Variants in DPP10 observed in about 807,000 individuals in gnomAD.
DPP10 encodes the protein dipeptidyl peptidase like 10, also known as inactive dipeptidyl peptidase 10.
A neutral mutation model predicts 120.9 loss-of-function variants in DPP10; 33 were observed. The ratio of observed to expected loss-of-function variants is 0.27; its 90% confidence interval spans 0.21 to 0.37. DPP10 has a LOEUF of 0.37. Among genes scored for constraint, DPP10 ranks in the 10% least tolerant of loss-of-function variants. DPP10 has a pLI of 1.00. For missense variants in DPP10, 816 were observed against 942.8 expected (o/e 0.87, Z 1.76); for synonymous variants, 337 against 326.1 (o/e 1.03, Z -0.36).
chr2:115,340,152 GA>G (rs2106237676), intron 2 of DPP10, among the ~76,000 whole-genome samples: 1 of 151,880 alleles, frequency 6.6e-6, no homozygotes, highest in East Asian at 1.9e-4. Flanking sequence ...TTAAAATTTG[GA>G]AAAGAAAGAA....
At chr2:114,459,252 C>T (rs977588338) in intron 1 of DPP10, among the ~76,000 whole-genome samples, 1 of 152,170 alleles carries the variant, frequency 6.6e-6, no homozygotes, top group African/African-American at 2.4e-5. Context: ...CATTGACATG[C>T]AGCATGTAAC....
At chr2:114,638,832 C>A (rs1695491411) in intron 1 of DPP10, among the ~76,000 whole-genome samples, 1 of 151,820 alleles carries the variant, frequency 6.6e-6, no homozygotes, top group South Asian at 2.1e-4. Flanking sequence ...AAGGAACATG[C>A]ACCACTTTGT....
intron 1 of DPP10, among the ~76,000 whole-genome samples, chr2:114,787,764 G>A (rs997232181): frequency 1.5e-4 from 23 of 152,304 alleles, no homozygotes; most frequent in Admixed American, 5.2e-4. Context: ...GGGGCTACCC[G>A]CTTTGCTGTG....
chr2:115,782,274 A>T, intron 16 of DPP10, 78 bp from the exon 17 acceptor site: 3 of 1,330,720 alleles, frequency 2.3e-6, no homozygotes, highest in Non-Finnish European at 2.1e-6. Context: ...TGGGGGGAAA[A>T]AACTATTATG....
intron 7 of DPP10, among the ~76,000 whole-genome samples, chr2:115,724,526 AT>A (rs71394164): frequency 0.2 from 30,941 of 151,278 alleles, 3,581 homozygotes; most frequent in African/African-American, 0.32. Flanking sequence ...TTGTTCTTCT[AT>A]TTTTTTTTGT....
chr2:114,942,550 A>G (rs1697041876), intron 1 of DPP10, among the ~76,000 whole-genome samples: 1 of 151,104 alleles, frequency 6.6e-6, no homozygotes, highest in Non-Finnish European at 1.5e-5. Flanking sequence ...GATTACATAG[A>G]TTAGCCATTT....
At chr2:115,402,897 ATATATG>A in intron 3 of DPP10, among the ~76,000 whole-genome samples, 1 of 141,634 alleles carries the variant, frequency 7.1e-6, no homozygotes. Context: ...GTGTGTATAT[ATATATG>A]TATATATATG....
chr2:114,993,812 CAT>C (rs1480488645), intron 1 of DPP10, among the ~76,000 whole-genome samples: 2 of 151,928 alleles, frequency 1.3e-5, no homozygotes, highest in Non-Finnish European at 2.9e-5. Flanking sequence ...CACGAGTCTA[CAT>C]GTTTGAATAG....
At position 115,801,277 on chromosome 2, in the gene DPP10, A is replaced by G. The variant is rs1290021235; in HGVS notation, c.1700+9921A>G. Among the ~76,000 whole-genome samples the G allele has an allele frequency of 3.9e-5, 6 of 152,150 alleles. No individual in the cohort carries two copies. In the East Asian group the frequency reaches 1.2e-3, roughly 29 times the overall value. ...ATAGGAAGGCTTGTGATTTTTGTAC[A>G]TTGATTTTGTATGCTGAGACTTTGC... is the stretch of plus-strand genomic sequence containing the variant. On this transcript the variant is annotated intron_variant, in intron 19 of 25. Transcript: ENST00000410059.
intron 1 of DPP10, among the ~76,000 whole-genome samples, chr2:114,944,127 T>A (rs891136544): frequency 1.3e-5 from 2 of 152,208 alleles, no homozygotes; most frequent in Admixed American, 1.3e-4. Flanking sequence ...ACTTTGAATT[T>A]GTGCATTAAA....
At chr2:115,598,855 T>A (rs191747100) in intron 5 of DPP10, among the ~76,000 whole-genome samples, 2 of 150,156 alleles carry the variant, frequency 1.3e-5, no homozygotes, top group Admixed American at 1.3e-4. Flanking sequence ...GGAGTGTAGG[T>A]TTGACAGAAA....
chr2:115,395,293 C>T (rs1320989864), intron 3 of DPP10, among the ~76,000 whole-genome samples: 2 of 152,160 alleles, frequency 1.3e-5, no homozygotes, highest in Non-Finnish European at 2.9e-5. Flanking sequence ...TAAATTTCCT[C>T]TTCTTATAAG....
At chr2:115,070,528 C>G (rs1247176531) in intron 1 of DPP10, among the ~76,000 whole-genome samples, 1 of 152,030 alleles carries the variant, frequency 6.6e-6, no homozygotes, top group Non-Finnish European at 1.5e-5. Flanking sequence ...GATGTTTTGT[C>G]CCTGAATTCT....
intron 5 of DPP10, among the ~76,000 whole-genome samples, chr2:115,656,287 A>G (rs961749538): frequency 1.3e-5 from 2 of 151,664 alleles, no homozygotes; most frequent in African/African-American, 4.8e-5. Flanking sequence ...CAATAAAGCT[A>G]AATAATACAA....
At chr2:115,079,852 T>A (rs1159726217) in intron 1 of DPP10, among the ~76,000 whole-genome samples, 1 of 152,216 alleles carries the variant, frequency 6.6e-6, no homozygotes, top group Non-Finnish European at 1.5e-5. Flanking sequence ...CAGATTGATT[T>A]TCCAGAAAGC....
chr2:115,043,725 A>G (rs1163498323), intron 1 of DPP10, among the ~76,000 whole-genome samples: 2 of 152,200 alleles, frequency 1.3e-5, no homozygotes, highest in Admixed American at 1.3e-4. Context: ...GATTTTAAAA[A>G]TTATGGAGAA....
chr2:115,815,645 T>A, intron 20 of DPP10, 30 bp from the exon 21 acceptor site: 1 of 1,583,764 alleles, frequency 6.3e-7, no homozygotes, highest in Non-Finnish European at 8.6e-7. Context: ...CTCACAAAGA[T>A]ATAACTATTG....
intron 1 of DPP10, among the ~76,000 whole-genome samples, chr2:114,943,673 C>T (rs867601410): frequency 3.3e-5 from 5 of 152,120 alleles, no homozygotes; most frequent in Admixed American, 6.5e-5. Context: ...TACACCTGCA[C>T]GTGTCTTTAT....
chr2:115,405,722 A>C (rs2068457047), intron 3 of DPP10, among the ~76,000 whole-genome samples: 1 of 152,210 alleles, frequency 6.6e-6, no homozygotes, highest in Non-Finnish European at 1.5e-5. Flanking sequence ...GCCAAGGCTT[A>C]CGACTTTTGC....
Sources: allele counts gnomAD v4.1 joint callset (sites outside exome capture counted in the v4.1 genomes callset), GRCh38; gene constraint gnomAD v4.1.1; transcripts MANE v1.5; gene names NCBI Gene and HGNC (gene_info 2026-07-23, HGNC 2026-07-21).